Variants in TDRD9 observed in about 807,000 individuals in gnomAD.
TDRD9 encodes the protein tudor domain containing 9.
In TDRD9, 124 loss-of-function variants were observed where a neutral mutation model predicts 172.6. The ratio of observed to expected loss-of-function variants is 0.72; its 90% CI spans 0.62 to 0.83. The LOEUF (loss-of-function observed/expected upper bound fraction) is 0.83, where lower values mean the gene tolerates loss of function less well. Ranked by LOEUF, TDRD9 falls within the 40% of genes least tolerant of loss-of-function variation. The pLI is 0.00. For synonymous variants in TDRD9, 619 were observed against 617.1 expected (o/e 1.00, Z -0.05); for missense variants, 1,479 against 1,714.1 (o/e 0.86, Z 2.42).
In TDRD9 at chr14:103,943,399, A is replaced by G. The variant is rs148401424; in HGVS notation, c.216-12265A>G. Among the ~76,000 whole-genome samples the G allele has an allele frequency of 4.1e-3, 621 of 151,176 alleles. 5 individuals are homozygous for G. The highest frequency in any genetic ancestry group is 0.014 in the African/African-American group (592 of 41,330). Reference sequence around the variant, plus strand: ...ATATGTGTATGTATTTTATATATGTACATATATGTATATATACACATAAGT... The same window carrying G: ...ATATGTGTATGTATTTTATATATGTGCATATATGTATATATACACATAAGT... On this transcript the variant is annotated intron_variant, in intron 1 of 35. Coordinates refer to ENST00000409874, the MANE Select transcript of TDRD9 (RefSeq NM_153046.3).
intron 8 of TDRD9, among the ~76,000 whole-genome samples, chr14:103,988,619 A>G (rs1024183274): frequency 2.0e-5 from 3 of 150,368 alleles, no homozygotes; most frequent in African/African-American, 7.3e-5. Context: ...GATGTCTCAT[A>G]TTCTTTTTGT....
chr14:104,034,523 C>T (rs2035390830), intron 31 of TDRD9, among the ~76,000 whole-genome samples: 1 of 152,200 alleles, frequency 6.6e-6, no homozygotes. Flanking sequence ...TTTCTGACTG[C>T]TTTGGCTGGT....
chr14:103,932,533 G>A (rs1172492091), intron 1 of TDRD9, among the ~76,000 whole-genome samples: 1 of 152,086 alleles, frequency 6.6e-6, no homozygotes, highest in African/African-American at 2.4e-5. Context: ...GACTACAGGC[G>A]CCCGCCACCA....
chr14:103,940,661 A>G, intron 1 of TDRD9: 1 of 585,856 alleles, frequency 1.7e-6, no homozygotes, highest in Non-Finnish European at 3.0e-6. Context: ...GAGTGGTTAA[A>G]AAAAGAACAC....
At chr14:103,981,914 T>A (rs1395129714) in intron 7 of TDRD9, among the ~76,000 whole-genome samples, 1 of 152,244 alleles carries the variant, frequency 6.6e-6, no homozygotes, top group Non-Finnish European at 1.5e-5. Flanking sequence ...GTATAGATCC[T>A]ATTATACAGC....
chr14:103,954,961 T>G (rs1464598893), intron 1 of TDRD9, among the ~76,000 whole-genome samples: 1 of 139,558 alleles, frequency 7.2e-6, no homozygotes, highest in East Asian at 2.2e-4. Context: ...GGGTCTCGCT[T>G]TGTTGCCTAG....
At chr14:103,977,163 G>C (rs2033277877) in intron 7 of TDRD9, among the ~76,000 whole-genome samples, 1 of 152,040 alleles carries the variant, frequency 6.6e-6, no homozygotes. Context: ...GTTTAGAAAA[G>C]TCTTTTCAGC....
At chr14:104,015,959 T>C in intron 21 of TDRD9, 22 bp from the exon 22 acceptor site, 2 of 1,522,588 alleles carry the variant, frequency 1.3e-6, no homozygotes, top group Non-Finnish European at 1.8e-6. Flanking sequence ...TGTTACTTCA[T>C]GAAAATAAAT....
intron 2 of TDRD9, among the ~76,000 whole-genome samples, chr14:103,956,099 AAAAAAAAAAAAAATATAT>A (rs1427582537): frequency 3.4e-3 from 179 of 53,140 alleles, no homozygotes; most frequent in Non-Finnish European, 5.2e-3. Context: ...AAAAAAAAAA[AAAAAAAAAAAAAATATAT>A]ATATATATAT....
chr14:103,983,406 A>C (rs1367401881), intron 7 of TDRD9, among the ~76,000 whole-genome samples: 1 of 152,088 alleles, frequency 6.6e-6, no homozygotes, highest in Non-Finnish European at 1.5e-5. Flanking sequence ...AGCTGACTTA[A>C]TTTACTCTAA....
At chr14:103,988,500 G>A (rs1446487379) in intron 8 of TDRD9, among the ~76,000 whole-genome samples, 1 of 151,852 alleles carries the variant, frequency 6.6e-6, no homozygotes, top group African/African-American at 2.4e-5. Flanking sequence ...AACAATCTCT[G>A]CCTTTTGATT....
intron 6 of TDRD9, among the ~76,000 whole-genome samples, chr14:103,973,085 A>G (rs1289867515): frequency 6.6e-6 from 1 of 152,216 alleles, no homozygotes; most frequent in Non-Finnish European, 1.5e-5. Flanking sequence ...ACTGATGGAC[A>G]TGTTGGTAAG....
chr14:103,977,411 T>A (rs897317439), intron 7 of TDRD9, among the ~76,000 whole-genome samples: 2 of 133,844 alleles, frequency 1.5e-5, no homozygotes, highest in Non-Finnish European at 3.1e-5. Flanking sequence ...GAGAATGGCA[T>A]GAACCCGGGA....
intron 31 of TDRD9, 21 bp downstream of exon 31, chr14:104,034,090 A>G (rs10150865): frequency 0.99 from 1,469,632 of 1,484,422 alleles, 728,588 homozygotes; most frequent in East Asian, 1. Flanking sequence ...GATCCTGTTT[A>G]TTCCTTGTCC....
At chr14:103,955,793 T>C (rs747359797) in intron 2 of TDRD9, 23 bp downstream of exon 2, 20 of 1,532,406 alleles carry the variant, frequency 1.3e-5, no homozygotes, top group Non-Finnish European at 1.8e-5. Flanking sequence ...CTTTAAATAT[T>C]TTAGATAGGA....
chr14:103,972,122 C>T (rs1032482793), intron 6 of TDRD9, among the ~76,000 whole-genome samples: 1 of 151,990 alleles, frequency 6.6e-6, no homozygotes, highest in South Asian at 2.1e-4. Context: ...CCACTGCACT[C>T]CAGCCTGGGT....
chr14:103,956,830 T>G (rs528643234), intron 2 of TDRD9, among the ~76,000 whole-genome samples: 2 of 152,142 alleles, frequency 1.3e-5, no homozygotes, highest in Non-Finnish European at 2.9e-5. Context: ...TCTGAGCAAA[T>G]TATCTTACTA....
intron 20 of TDRD9, 63 bp from the exon 21 acceptor site, chr14:104,014,662 G>A: frequency 1.1e-6 from 1 of 916,048 alleles, no homozygotes; most frequent in Non-Finnish European, 1.8e-6. Context: ...ATTTTCTAGT[G>A]TTTTCACTGC....
chr14:103,941,998 AG>A (rs1486976128), intron 1 of TDRD9: 1 of 299,014 alleles, frequency 3.3e-6, no homozygotes, highest in East Asian at 7.2e-5. Context: ...TGCTGTGAAA[AG>A]TTCTTAAGAG....
Sources: allele counts gnomAD v4.1 joint callset (sites outside exome capture counted in the v4.1 genomes callset), GRCh38; gene constraint gnomAD v4.1.1; transcripts MANE v1.5; gene names NCBI Gene and HGNC (gene_info 2026-07-23, HGNC 2026-07-21).